ARMC9: variants seen among roughly 807,000 people sequenced by gnomAD.
The protein encoded by ARMC9 is armadillo repeat containing 9.
ARMC9 carries 94 observed loss-of-function variants against 107.0 expected under a neutral mutation model. The observed-to-expected ratio is 0.88, with a 90% CI of 0.74 to 1.04. The LOEUF is 1.04. ARMC9 is among the 50% of genes least tolerant of loss of function. The pLI is 0.00. For missense variants in ARMC9, 942 were observed against 1,030.1 expected, an observed-to-expected ratio of 0.91 and a Z score of 1.17; for synonymous variants, 380 against 396.9, an observed-to-expected ratio of 0.96 and a Z score of 0.51.
At chr2:231,363,669 G>A (rs1017901977) in intron 23 of ARMC9, among the ~76,000 whole-genome samples, 7 of 152,124 alleles carry the variant, frequency 4.6e-5, no homozygotes, top group African/African-American at 1.2e-4. Flanking sequence ...GGCGGACAAC[G>A]AGGTCAAGAG....
chr2:231,250,222 G>A (rs1194632926), intron 9 of ARMC9, among the ~76,000 whole-genome samples: 1 of 152,200 alleles, frequency 6.6e-6, no homozygotes, highest in African/African-American at 2.4e-5. Flanking sequence ...AGCTCAGTGA[G>A]GGAAATTTTT....
In ARMC9 at chr2:231,360,874, T is replaced by C; in HGVS notation, c.2252T>C (p.Val751Ala). 1 of 1,531,996 alleles carries C rather than the reference T, an allele frequency of 6.5e-7. No individual in the cohort carries two copies. The highest frequency in any genetic ancestry group is 8.7e-7 in the Non-Finnish European group (1 of 1,144,956). The allele number at this position is 1,531,996 out of a possible 1,614,324, so 94.9% of individuals were successfully genotyped here. ...REAPQDPGNGVTTRECASAFT... is the reference protein window; with the variant it reads ...REAPQDPGNGATTRECASAFT... ...GCGCCCCAGGACCCAGGCAATGGAGTGACCACCAGGTAAGGGGGATATCAC... is the reference window on the plus strand; with the variant it reads ...GCGCCCCAGGACCCAGGCAATGGAGCGACCACCAGGTAAGGGGGATATCAC... Residue 751 changes from valine to alanine, a missense_variant, in exon 23 of 25, where the codon GTG becomes GCG. Coordinates refer to ENST00000611582, the MANE Select transcript of ARMC9 (RefSeq NM_001352754.2). The surrounding 1 kb of genome is among the most constrained non-coding windows in gnomAD (Gnocchi z 4.7).
At chr2:231,256,534 A>G in intron 9 of ARMC9, 52 bp from the exon 10 acceptor site, 2 of 1,592,286 alleles carry the variant, frequency 1.3e-6, no homozygotes, top group Non-Finnish European at 1.7e-6. Context: ...GGATCCGTGC[A>G]TTGCTATCAG....
intron 9 of ARMC9, among the ~76,000 whole-genome samples, chr2:231,249,577 G>A (rs961117804): frequency 1.3e-5 from 2 of 152,074 alleles, no homozygotes; most frequent in Non-Finnish European, 2.9e-5. Context: ...GGGCTGAGAA[G>A]GGATGGATGG....
intron 22 of ARMC9, among the ~76,000 whole-genome samples, chr2:231,357,190 G>A (rs1195001758): frequency 6.6e-6 from 1 of 152,116 alleles, no homozygotes. Context: ...GGCACATTCC[G>A]GGTTCTTGCA....
intron 22 of ARMC9, among the ~76,000 whole-genome samples, chr2:231,357,879 C>G (rs1219391441): frequency 6.6e-6 from 1 of 152,132 alleles, no homozygotes; most frequent in African/African-American, 2.4e-5. Flanking sequence ...CCCTCTTAGT[C>G]TCCTTTAAAA....
At chr2:231,291,241 C>A in intron 17 of ARMC9, 112 bp from the exon 18 acceptor site, 1 of 800,628 alleles carries the variant, frequency 1.2e-6, no homozygotes, top group Non-Finnish European at 2.1e-6. Flanking sequence ...CCAAGGTATC[C>A]TCTTCCTCTC....
chr2:231,321,188 C>T (rs572080238), intron 19 of ARMC9, among the ~76,000 whole-genome samples: 6 of 152,368 alleles, frequency 3.9e-5, no homozygotes, highest in Middle Eastern at 3.4e-3. Flanking sequence ...CTGTTTTTAA[C>T]GCCGCCCTTG....
At chr2:231,226,932 A>C in intron 7 of ARMC9, 134 bp downstream of exon 7, 3 of 1,048,940 alleles carry the variant, frequency 2.9e-6, no homozygotes. Context: ...AAGGCTTTGC[A>C]GTCATAGTGA....
intron 14 of ARMC9, among the ~76,000 whole-genome samples, chr2:231,274,119 ATTGT>A (rs1393324629): frequency 2.0e-5 from 3 of 151,906 alleles, no homozygotes; most frequent in Non-Finnish European, 4.4e-5. Context: ...GCTACATCAT[ATTGT>A]TTGTTTGTTT....
At chr2:231,226,001 C>A (rs942798728) in intron 6 of ARMC9, among the ~76,000 whole-genome samples, 4 of 152,184 alleles carry the variant, frequency 2.6e-5, no homozygotes, top group African/African-American at 9.7e-5. Context: ...GGATTACAGG[C>A]ACCCACTACC....
intron 2 of ARMC9, 28 bp downstream of exon 2, chr2:231,206,317 A>G: frequency 6.3e-7 from 1 of 1,580,386 alleles, no homozygotes; most frequent in Non-Finnish European, 8.7e-7. Flanking sequence ...AGCAGAGGTC[A>G]CAGAGAAACA....
At chr2:231,356,672 G>C (rs1452721280) in intron 22 of ARMC9, among the ~76,000 whole-genome samples, 1 of 152,146 alleles carries the variant, frequency 6.6e-6, no homozygotes, top group African/African-American at 2.4e-5. Flanking sequence ...GTCAGCACTG[G>C]CTGGGTTATT....
At chr2:231,210,903 A>G (rs1239368228) in intron 3 of ARMC9, among the ~76,000 whole-genome samples, 3 of 151,796 alleles carry the variant, frequency 2.0e-5, no homozygotes, top group South Asian at 2.1e-4. Flanking sequence ...CCATTTAACA[A>G]CTCCGCCTTT....
At chr2:231,232,804 G>GAAT (rs943946330) in intron 7 of ARMC9, among the ~76,000 whole-genome samples, 38 of 152,038 alleles carry the variant, frequency 2.5e-4, no homozygotes, top group African/African-American at 9.2e-4. Context: ...TGTGGATGTT[G>GAAT]AATAATAATA....
chr2:231,286,113 T>C (rs1185315541), intron 17 of ARMC9, among the ~76,000 whole-genome samples: 2 of 151,794 alleles, frequency 1.3e-5, no homozygotes, highest in African/African-American at 4.8e-5. Context: ...TGGTATTTGG[T>C]TTTTATTTGT....
At chr2:231,262,872 C>T (rs945634857) in intron 12 of ARMC9, among the ~76,000 whole-genome samples, 4 of 152,182 alleles carry the variant, frequency 2.6e-5, no homozygotes, top group Non-Finnish European at 2.9e-5. Flanking sequence ...CTCTGCTCTA[C>T]CACTCATTAG....
rs2045425872 is a variant in ARMC9, at chr2:231,358,355, A to ATTGATTGATTGG, written c.2132-2388_2132-2387insGTTGATTGATTG. Among the ~76,000 whole-genome samples, 3 of 151,000 alleles carry ATTGATTGATTGG rather than the reference A, an allele frequency of 2.0e-5. No homozygotes were observed. Among genetic ancestry groups the ATTGATTGATTGG allele is most frequent in the African/African-American group, 4.9e-5 (2 of 40,972 alleles). On this transcript the variant is annotated intron_variant, in intron 22 of 24. Coordinates refer to ENST00000611582, the MANE Select transcript of ARMC9 (RefSeq NM_001352754.2). This position sits in a 1 kb window ranked among gnomAD's most constrained non-coding sequence, Gnocchi z 4.5. The stretch of plus-strand genomic sequence containing the variant: ...CCATCCCTCCCCTCCACTTCAATTG[A>ATTGATTGATTGG]TTGATTGATTGATTGATTGATTGAT...
intron 20 of ARMC9, among the ~76,000 whole-genome samples, chr2:231,332,791 G>T (rs1456341060): frequency 6.6e-6 from 1 of 152,196 alleles, no homozygotes; most frequent in African/African-American, 2.4e-5. Flanking sequence ...CTGAAACCCT[G>T]TGTGGGACAG....
Sources: gnomAD v4.1 joint callset for allele counts (sites outside exome capture counted in the v4.1 genomes callset) on GRCh38, gnomAD v4.1.1 for gene constraint, Gnocchi (gnomAD v3.1) non-coding constraint, MANE v1.5 for transcripts, NCBI Gene and HGNC (gene_info 2026-07-23, HGNC 2026-07-21) for gene names.